MYO16: variants seen among roughly 807,000 people sequenced by gnomAD.
MYO16 encodes unconventional myosin-XVI.
MYO16 carries 94 observed loss-of-function variants against 205.3 expected under a neutral mutation model. That is an observed-to-expected ratio of 0.46 (90% confidence interval 0.39 to 0.54). The LOEUF is 0.54. Ranked by LOEUF, MYO16 falls within the 20% of genes least tolerant of loss-of-function variation. The probability of loss-of-function intolerance (pLI) is 0.00; values close to 1 mark genes in which losing one functional copy is unlikely to be tolerated. For synonymous variants in MYO16, 988 were observed against 954.0 expected (o/e 1.04, Z -0.66); for missense variants, 2,315 against 2,387.5 (o/e 0.97, Z 0.63).
chr13:108,776,505 C>T (rs943255090), intron 4 of MYO16, among the ~76,000 whole-genome samples: 1 of 152,160 alleles, frequency 6.6e-6, no homozygotes, highest in Admixed American at 6.5e-5. Context: ...GTAAGCATTT[C>T]GATTATTTCC....
chr13:108,709,338 G>C (rs2139540660), intron 2 of MYO16, among the ~76,000 whole-genome samples: 1 of 152,320 alleles, frequency 6.6e-6, no homozygotes, highest in Admixed American at 6.5e-5. Context: ...CCAATAAAAT[G>C]GATCTTGATC....
chr13:109,084,424 C>T (rs1260598379), intron 27 of MYO16, among the ~76,000 whole-genome samples: 1 of 151,954 alleles, frequency 6.6e-6, no homozygotes, highest in African/African-American at 2.4e-5. Context: ...TTGTCGATAC[C>T]CTTTAATATA....
chr13:108,927,826 A>G (rs1458432711), intron 16 of MYO16, among the ~76,000 whole-genome samples: 2 of 152,168 alleles, frequency 1.3e-5, no homozygotes, highest in Non-Finnish European at 2.9e-5. Flanking sequence ...AAATAAATGC[A>G]AGGCAGAGAG....
Position 109,055,248 on chromosome 13 carries a change from C to CAT in MYO16, c.3129+123_3129+124insTA. 1 of 73,080 alleles carries CAT rather than the reference C, an allele frequency of 1.4e-5. No individual in the cohort carries two copies. Among genetic ancestry groups the CAT allele is most frequent in the South Asian group, 3.5e-4 (1 of 2,892 alleles). 4.5% of individuals were successfully genotyped at this position (73,080 alleles called of 1,614,324 possible). A position where few individuals can be genotyped will look rare whatever the true frequency, so the allele number is the denominator to read the frequency against. ...TATCTTCACAAAAAAAGTAAACATACACACACACACACACACACACACACA... is the reference window on the plus strand; with the variant it reads ...TATCTTCACAAAAAAAGTAAACATACATACACACACACACACACACACACACA... On this transcript the variant is annotated intron_variant, in intron 26 of 34. Transcript: ENST00000457511. The surrounding 1 kb of genome is among the most constrained non-coding windows in gnomAD (Gnocchi z 5.0).
At chr13:108,594,626 C>G (rs1225248502), upstream of MYO16, among the ~76,000 whole-genome samples, 1 of 152,190 alleles carries the variant, frequency 6.6e-6, no homozygotes, top group South Asian at 2.1e-4. Context: ...CTCAATTCCC[C>G]TGATGCGGCA....
At chr13:108,625,365 G>A (rs1879694717), upstream of MYO16, among the ~76,000 whole-genome samples, 1 of 152,158 alleles carries the variant, frequency 6.6e-6, no homozygotes, top group Admixed American at 6.6e-5. Flanking sequence ...AGGTAGGCTT[G>A]ATCCTGGTCC....
At chr13:108,968,742 T>C (rs1445803213) in intron 20 of MYO16, among the ~76,000 whole-genome samples, 1 of 152,182 alleles carries the variant, frequency 6.6e-6, no homozygotes, top group Non-Finnish European at 1.5e-5. Context: ...TGCTCCTGCC[T>C]GCTGCGCCCC....
intron 14 of MYO16, 118 bp from the exon 15 acceptor site, chr13:108,897,898 A>G (rs1337935): frequency 0.3 from 242,769 of 807,956 alleles, 40,441 homozygotes; most frequent in Non-Finnish European, 0.36. Flanking sequence ...ATAGCATTCT[A>G]TGAGCAGGAT....
At chr13:108,937,758 T>A (rs1014958056) in intron 16 of MYO16, among the ~76,000 whole-genome samples, 6 of 152,224 alleles carry the variant, frequency 3.9e-5, no homozygotes, top group Admixed American at 2.0e-4. Context: ...TTCTTTAAGA[T>A]GTTTATCTCT....
At chr13:108,745,184 T>C (rs555256993) in intron 4 of MYO16, among the ~76,000 whole-genome samples, 210 of 152,302 alleles carry the variant, frequency 1.4e-3, no homozygotes, top group Middle Eastern at 3.4e-3. Flanking sequence ...TCTGAGGGGA[T>C]GAAGATGGTC....
chr13:109,141,126 T>C lies in MYO16; in HGVS notation c.4914T>C (p.Val1638=), dbSNP rs28705148. The part of the protein sequence containing the change: ...KAGPSAEAPK[V]HPKPNSAPVA... The stretch of plus-strand genomic sequence containing the variant: ...GGCCGAGCGCAGAGGCGCCCAAGGT[T>C]CACCCAAAGCCAAACTCTGCCCCCG... The change falls in exon 32 of 35, where the codon GTT becomes GTC. Residue 1638 remains valine (V), a synonymous_variant. Coordinates refer to ENST00000457511, the MANE Select transcript of MYO16 (RefSeq NM_001198950.3). The surrounding 1 kb of genome is among the most constrained non-coding windows in gnomAD (Gnocchi z 4.1). 1,569,993 of 1,578,230 alleles carry C rather than the reference T, an allele frequency of 0.99. 781,233 individuals carry two copies. The highest frequency in any genetic ancestry group is 1 in the East Asian group (41,016 of 41,016).
intron 1 of MYO16, among the ~76,000 whole-genome samples, chr13:108,636,432 T>C (rs1880255614): frequency 7.3e-6 from 1 of 137,680 alleles, no homozygotes; most frequent in South Asian, 2.4e-4. Context: ...CAGGCTGGAA[T>C]GCAGTGGCAC....
intron 20 of MYO16, among the ~76,000 whole-genome samples, chr13:108,976,974 C>T (rs1884284673): frequency 6.6e-6 from 1 of 152,112 alleles, no homozygotes; most frequent in Admixed American, 6.5e-5. Context: ...TTTTGTTTTC[C>T]TGTAGAGATA....
At chr13:108,821,585 A>C (rs769963562) in intron 8 of MYO16, among the ~76,000 whole-genome samples, 1 of 152,200 alleles carries the variant, frequency 6.6e-6, no homozygotes, top group Non-Finnish European at 1.5e-5. Flanking sequence ...AGTAGCTCAC[A>C]CTTTTCAAGT....
intron 25 of MYO16, among the ~76,000 whole-genome samples, chr13:109,052,783 T>TC (rs2139606395): frequency 6.6e-6 from 1 of 152,214 alleles, no homozygotes; most frequent in South Asian, 2.1e-4. Flanking sequence ...CTTCAGATAC[T>TC]GTAGGCTTAG....
intron 1 of MYO16, among the ~76,000 whole-genome samples, chr13:108,638,036 T>A (rs1880336771): frequency 6.6e-6 from 1 of 152,016 alleles, no homozygotes; most frequent in Non-Finnish European, 1.5e-5. Context: ...AAAATAAAGG[T>A]GTTTAACGAA....
chr13:108,860,439 T>C (rs987228802), intron 11 of MYO16, among the ~76,000 whole-genome samples: 4 of 152,244 alleles, frequency 2.6e-5, no homozygotes, highest in Non-Finnish European at 5.9e-5. Context: ...ATTCTATGTC[T>C]TTGCTATTGT....
chr13:108,503,443 A>C, the MYO16 span, among the ~76,000 whole-genome samples: 5 of 139,842 alleles, frequency 3.6e-5, no homozygotes, highest in African/African-American at 1.4e-4. Context: ...AAGCTCAAAA[A>C]AGTTTTTTTT....
chr13:108,662,142 AT>A (rs1881530353), intron 1 of MYO16, among the ~76,000 whole-genome samples: 1 of 152,128 alleles, frequency 6.6e-6, no homozygotes, highest in Non-Finnish European at 1.5e-5. Context: ...TAAATTGTCT[AT>A]GTGTCTCTCA....
Sources: allele counts gnomAD v4.1 joint callset (sites outside exome capture counted in the v4.1 genomes callset), GRCh38; gene constraint gnomAD v4.1.1; non-coding constraint Gnocchi (gnomAD v3.1); transcripts MANE v1.5; gene names NCBI Gene and HGNC (gene_info 2026-07-23, HGNC 2026-07-21).